ZNF536: variants seen among roughly 807,000 people sequenced by gnomAD.
ZNF536 encodes the protein zinc finger protein 536.
ZNF536 carries 13 observed loss-of-function variants against 84.5 expected under a neutral mutation model. That is an observed-to-expected ratio of 0.15 (90% CI 0.10 to 0.24). The LOEUF is 0.24. Among genes scored for constraint, ZNF536 ranks in the 10% least tolerant of loss-of-function variants. ZNF536 has a pLI of 1.00. For synonymous variants in ZNF536, 811 were observed against 742.5 expected (o/e 1.09, Z -1.50); for missense variants, 1,536 against 1,747.5 (o/e 0.88, Z 2.16).
At chr19:30,231,938 A>G (rs891806546) in intron 1 of ZNF536, among the ~76,000 whole-genome samples, 2 of 152,166 alleles carry the variant, frequency 1.3e-5, no homozygotes, top group Admixed American at 6.5e-5. Context: ...TTTGTAATGT[A>G]CATGTGTGTT....
intron 1 of ZNF536, among the ~76,000 whole-genome samples, chr19:30,278,643 C>T (rs2045327735): frequency 1.3e-5 from 2 of 152,026 alleles, no homozygotes; most frequent in Admixed American, 6.5e-5. Context: ...CCAGGGTGAG[C>T]GTGGCTGACT....
chr19:30,406,452 A>G (rs997756295), intron 1 of ZNF536, among the ~76,000 whole-genome samples: 1 of 152,116 alleles, frequency 6.6e-6, no homozygotes, highest in African/African-American at 2.4e-5. Flanking sequence ...GCCAACAGGG[A>G]TTTTGGCCAG....
chr19:30,351,841 A>C (rs1026502001), intron 2 of ZNF536, among the ~76,000 whole-genome samples: 3 of 152,240 alleles, frequency 2.0e-5, no homozygotes, highest in Non-Finnish European at 4.4e-5. Context: ...TGAACAAAAA[A>C]GTGCTCGCAC....
chr19:30,316,639 G>A (rs1221354347), intron 2 of ZNF536, among the ~76,000 whole-genome samples: 4 of 152,190 alleles, frequency 2.6e-5, no homozygotes, highest in Non-Finnish European at 4.4e-5. Context: ...GTACCAGGCA[G>A]TAGTCTGGGC....
chr19:30,623,949 T>C (rs2048582411), intron 1 of ZNF536, among the ~76,000 whole-genome samples: 1 of 152,160 alleles, frequency 6.6e-6, no homozygotes, highest in Non-Finnish European at 1.5e-5. Flanking sequence ...CCATGTTTCA[T>C]GGGTTAGAGA....
At chr19:30,451,035 G>T (rs1600789304) in intron 2 of ZNF536, among the ~76,000 whole-genome samples, 1 of 152,252 alleles carries the variant, frequency 6.6e-6, no homozygotes, top group Non-Finnish European at 1.5e-5. Context: ...GGATCGGCTC[G>T]TGTGTGCCGA....
chr19:30,570,163 C>G (rs558362064), intron 1 of ZNF536, among the ~76,000 whole-genome samples: 1 of 152,316 alleles, frequency 6.6e-6, no homozygotes, highest in South Asian at 2.1e-4. Flanking sequence ...AGTGAAACTC[C>G]GAGTTGGACT....
chr19:30,600,108 GA>G (rs1461829461), intron 1 of ZNF536, among the ~76,000 whole-genome samples: 1 of 43,624 alleles, frequency 2.3e-5, no homozygotes, highest in Admixed American at 2.8e-4. Flanking sequence ...TTTATTCTTG[GA>G]GACAGAGTTT....
chr19:30,328,253 A>G (rs1230750531), intron 2 of ZNF536, among the ~76,000 whole-genome samples: 1 of 152,152 alleles, frequency 6.6e-6, no homozygotes, highest in East Asian at 1.9e-4. Flanking sequence ...TGAGCAGAGA[A>G]AGACTTGGGC....
At chr19:30,232,497 A>G (rs564609970) in intron 1 of ZNF536, among the ~76,000 whole-genome samples, 1 of 151,484 alleles carries the variant, frequency 6.6e-6, no homozygotes, top group East Asian at 1.9e-4. Context: ...TGTGTACCCA[A>G]TCTTTAGCTT....
chr19:30,481,324 C>G (rs141748597), intron 2 of ZNF536, among the ~76,000 whole-genome samples: 1 of 152,326 alleles, frequency 6.6e-6, no homozygotes, highest in East Asian at 1.9e-4. Flanking sequence ...CAAATCTCAT[C>G]TCTCTGGGGG....
chr19:30,316,225 T>C (rs1028371807), intron 2 of ZNF536, among the ~76,000 whole-genome samples: 20 of 152,220 alleles, frequency 1.3e-4, no homozygotes, highest in Admixed American at 1.3e-3. Flanking sequence ...TTTGTGTACA[T>C]TGTATACATG....
chr19:30,512,358 T>C (rs2055448406), intron 2 of ZNF536, among the ~76,000 whole-genome samples: 1 of 152,202 alleles, frequency 6.6e-6, no homozygotes, highest in African/African-American at 2.4e-5. Flanking sequence ...TGCAGTCTAA[T>C]TAATATTAAT....
In ZNF536 at chr19:30,521,642, G is replaced by A. The variant is rs73024890; in HGVS notation, c.2171-13205G>A. Among the ~76,000 whole-genome samples, 931 of 152,066 alleles carry A rather than the reference G, an allele frequency of 6.1e-3. 8 individuals are homozygous for A. The highest frequency in any genetic ancestry group is 0.01 in the Non-Finnish European group (703 of 67,980). The stretch of plus-strand genomic sequence containing the variant: ...TTGGGGTGAATATTGGCTGGACACC[G>A]GCCACGTGCAAAGTATGGAGGAGGA... On this transcript the variant is annotated intron_variant, in intron 2 of 4. Coordinates refer to ENST00000355537, the MANE Select transcript of ZNF536 (RefSeq NM_014717.3).
At chr19:30,687,841 T>TA (rs2051250112) in intron 1 of ZNF536, among the ~76,000 whole-genome samples, 3 of 151,974 alleles carry the variant, frequency 2.0e-5, no homozygotes, top group Admixed American at 1.3e-4. Context: ...TTGGATTTTT[T>TA]TAAAAAAAAC....
intron 1 of ZNF536, among the ~76,000 whole-genome samples, chr19:30,280,125 G>A (rs933181052): frequency 6.6e-6 from 1 of 152,026 alleles, no homozygotes; most frequent in African/African-American, 2.4e-5. Flanking sequence ...GCCTCCATCT[G>A]TCCATCTGCA....
At chr19:30,680,455 A>G (rs2050923514) in intron 1 of ZNF536, among the ~76,000 whole-genome samples, 2 of 123,306 alleles carry the variant, frequency 1.6e-5, no homozygotes, top group Admixed American at 2.2e-4. Context: ...TCCTGTGTCC[A>G]TGTGTTCTCA....
intron 2 of ZNF536, among the ~76,000 whole-genome samples, chr19:30,503,968 A>G (rs1490487504): frequency 6.6e-6 from 1 of 150,384 alleles, no homozygotes; most frequent in Non-Finnish European, 1.5e-5. Context: ...AAAAGTCTAT[A>G]TTTTTATTTT....
intron 2 of ZNF536, among the ~76,000 whole-genome samples, chr19:30,458,853 G>A (rs529916954): frequency 1.4e-4 from 21 of 152,212 alleles, no homozygotes; most frequent in Admixed American, 5.2e-4. Context: ...CTCATTTCCC[G>A]TGGGCCCCCC....
Sources: allele counts gnomAD v4.1 joint callset (sites outside exome capture counted in the v4.1 genomes callset), GRCh38; gene constraint gnomAD v4.1.1; transcripts MANE v1.5; gene names NCBI Gene and HGNC (gene_info 2026-07-23, HGNC 2026-07-21).